DAB2IP: variants seen among roughly 807,000 people sequenced by gnomAD.
The protein encoded by DAB2IP is disabled homolog 2-interacting protein.
DAB2IP carries 28 observed loss-of-function variants against 107.2 expected under a neutral mutation model. That is an observed-to-expected ratio of 0.26 (90% CI 0.19 to 0.36). The LOEUF is 0.36. Among genes scored for constraint, DAB2IP ranks in the 10% least tolerant of loss-of-function variants. The pLI, the probability that DAB2IP is intolerant of heterozygous loss-of-function variation, is 1.00. For synonymous variants in DAB2IP, 755 were observed against 706.4 expected (o/e 1.07, Z -1.09); for missense variants, 1,400 against 1,644.7 (o/e 0.85, Z 2.57).
chr9:121,721,954 A>T (rs1830961013), intron 3 of DAB2IP, among the ~76,000 whole-genome samples: 1 of 152,180 alleles, frequency 6.6e-6, no homozygotes, highest in South Asian at 2.1e-4. Flanking sequence ...CATGCCCTGG[A>T]CGTGCAGATG....
At chr9:121,763,261 T>C (rs892240165) in intron 6 of DAB2IP, among the ~76,000 whole-genome samples, 22 of 152,226 alleles carry the variant, frequency 1.4e-4, no homozygotes, top group African/African-American at 5.1e-4. Context: ...TCAGGCTGCC[T>C]CCATCCATAG....
rs948243699 is a variant in DAB2IP at position 121,776,342 on chromosome 9, C to T, written c.3265C>T (p.Arg1089Trp). ...GCTGGAGGAGGGCGAGGAGCGGCTGCGGCGGCAGCAGGAGGACAAGGACAT... is the reference window on the plus strand; with the variant it reads ...GCTGGAGGAGGGCGAGGAGCGGCTGTGGCGGCAGCAGGAGGACAAGGACAT... Residue 1089 changes from arginine to tryptophan, a missense_variant, in exon 14 of 16, where the codon CGG becomes TGG. This residue lies in a region of DAB2IP where 600 missense variants were observed against 659.1 expected (regional missense o/e 0.91). Transcript: ENST00000408936. This position sits in a 1 kb window ranked among gnomAD's most constrained non-coding sequence, Gnocchi z 5.4. The T allele has an allele frequency of 6.4e-7, 1 of 1,554,332 alleles. No individual in the cohort carries two copies. The highest frequency in any genetic ancestry group is 8.7e-7 in the Non-Finnish European group (1 of 1,148,790).
intron 2 of DAB2IP, among the ~76,000 whole-genome samples, chr9:121,690,227 C>G (rs1427483305): frequency 1.3e-5 from 2 of 152,190 alleles, no homozygotes; most frequent in African/African-American, 4.8e-5. Flanking sequence ...GTTTTCTTGC[C>G]ACTCATGCAG....
intron 1 of DAB2IP, among the ~76,000 whole-genome samples, chr9:121,582,170 C>A (rs1169394618): frequency 2.0e-5 from 3 of 152,184 alleles, no homozygotes; most frequent in African/African-American, 4.8e-5. Flanking sequence ...TGTGCCTGAG[C>A]GTCTCAGCAC....
intron 11 of DAB2IP, 36 bp downstream of exon 11, chr9:121,770,760 C>T (rs755891521): frequency 3.7e-6 from 6 of 1,605,866 alleles, no homozygotes; most frequent in African/African-American, 1.3e-5. Context: ...GTGGTGGGTG[C>T]GTGTGCAGAC....
At chr9:121,603,515 A>C (rs1036504897) in intron 1 of DAB2IP, among the ~76,000 whole-genome samples, 1 of 152,214 alleles carries the variant, frequency 6.6e-6, no homozygotes, top group African/African-American at 2.4e-5. Context: ...TGGGCAGGGG[A>C]GGGAGCGGTG....
intron 1 of DAB2IP, among the ~76,000 whole-genome samples, chr9:121,619,306 C>T (rs1306984906): frequency 6.6e-6 from 1 of 152,176 alleles, no homozygotes; most frequent in African/African-American, 2.4e-5. Flanking sequence ...GCCACCACAT[C>T]CCGCTAATTT....
chr9:121,600,947 G>T (rs987582367), intron 1 of DAB2IP, among the ~76,000 whole-genome samples: 2 of 152,184 alleles, frequency 1.3e-5, no homozygotes, highest in East Asian at 3.9e-4. Flanking sequence ...GAGAGAGCCA[G>T]CATCCTTGTG....
intron 1 of DAB2IP, among the ~76,000 whole-genome samples, chr9:121,581,091 G>A: frequency 6.6e-6 from 1 of 152,200 alleles, no homozygotes; most frequent in Non-Finnish European, 1.5e-5. Flanking sequence ...GGCAGGGGAG[G>A]AACAGGGTTG....
At chr9:121,627,567 G>A (rs1307207424) in intron 1 of DAB2IP, among the ~76,000 whole-genome samples, 2 of 152,144 alleles carry the variant, frequency 1.3e-5, no homozygotes, top group Non-Finnish European at 2.9e-5. Context: ...AAAGACTGTG[G>A]CTGTGTACTC....
intron 1 of DAB2IP, among the ~76,000 whole-genome samples, chr9:121,638,779 C>A (rs1398732439): frequency 6.6e-6 from 1 of 152,140 alleles, no homozygotes; most frequent in East Asian, 1.9e-4. Context: ...GATGGCGATG[C>A]CCTGGTTCTG....
intron 3 of DAB2IP, among the ~76,000 whole-genome samples, chr9:121,739,365 T>A (rs1832157118): frequency 6.6e-6 from 1 of 152,220 alleles, no homozygotes. Context: ...TGACTGCCAA[T>A]GTCTTTCACC....
rs1411395167 is a variant in DAB2IP, at chr9:121,736,381, G to C, written c.363-20632G>C. Among the ~76,000 whole-genome samples, 3 of 151,924 alleles carry C rather than the reference G, an allele frequency of 2.0e-5. No individual in the cohort carries two copies. The highest frequency in any genetic ancestry group is 2.9e-5 in the Non-Finnish European group (2 of 68,032). Reference sequence around the variant, plus strand: ...AAGGTGGGGAAGGAGTTGCAAGGCAGAGACCCCCGAACCCCTGCTCCAGGG... The same window carrying C: ...AAGGTGGGGAAGGAGTTGCAAGGCACAGACCCCCGAACCCCTGCTCCAGGG... On this transcript the variant is annotated intron_variant, in intron 3 of 15. Coordinates refer to ENST00000408936, the Ensembl canonical transcript of DAB2IP. The surrounding 1 kb of genome is among the most constrained non-coding windows in gnomAD (Gnocchi z 4.6).
rs2118725306 is a variant in DAB2IP at position 121,699,032 on chromosome 9, G to A, written c.229-293G>A. Among the ~76,000 whole-genome samples, 1 of 151,010 alleles carries A rather than the reference G, an allele frequency of 6.6e-6. No homozygotes were observed. Among genetic ancestry groups the A allele is most frequent in the East Asian group, 2.0e-4 (1 of 5,092 alleles). On this transcript the variant is annotated intron_variant, in intron 2 of 15. Coordinates refer to ENST00000408936, the Ensembl canonical transcript of DAB2IP. The surrounding 1 kb of genome is among the most constrained non-coding windows in gnomAD (Gnocchi z 6.2). ...CCCCGGCGCCCGGGGGGCTCGGGCAGCCTCGGCCGCGGTCGGCGCGGCTCG... is the reference window on the plus strand; with the variant it reads ...CCCCGGCGCCCGGGGGGCTCGGGCAACCTCGGCCGCGGTCGGCGCGGCTCG...
In DAB2IP at chr9:121,634,806, C is replaced by T. The variant is rs2119022708; in HGVS notation, c.41-43872C>T. Among the ~76,000 whole-genome samples the T allele has an allele frequency of 6.6e-6, 1 of 152,286 alleles. No individual in the cohort carries two copies. Among genetic ancestry groups the T allele is most frequent in the East Asian group, 1.9e-4 (1 of 5,168 alleles). ...TGGACAGCCCCATTGGTCCTGCCCC[C>T]ACCCCAGCCACCACCTGTGGCTAGG... On this transcript the variant is annotated intron_variant, in intron 1 of 16. Coordinates refer to the DAB2IP transcript ENST00000259371. This position sits in a 1 kb window ranked among gnomAD's most constrained non-coding sequence, Gnocchi z 4.7.
In DAB2IP at chr9:121,772,121, C is replaced by G. The variant is rs1286954935; in HGVS notation, c.2079-486C>G. 6.6e-6 allele frequency among the ~76,000 whole-genome samples: 1 copy of G among 152,192 alleles called. No homozygotes were observed. The highest frequency in any genetic ancestry group is 1.5e-5 in the Non-Finnish European group (1 of 68,028). Reference sequence around the variant, plus strand: ...CAAACAAGGGAGCGGCAGCAGGAGGCTGGGCAAGAGGAGGTTTCACCGGGC... The same window carrying G: ...CAAACAAGGGAGCGGCAGCAGGAGGGTGGGCAAGAGGAGGTTTCACCGGGC... On this transcript the variant is annotated intron_variant, in intron 11 of 15. Coordinates refer to ENST00000408936, the Ensembl canonical transcript of DAB2IP. This position sits in a 1 kb window ranked among gnomAD's most constrained non-coding sequence, Gnocchi z 4.7.
chr9:121,783,222 C>A, exon 16 of DAB2IP: 1 of 1,187,374 alleles, frequency 8.4e-7, no homozygotes, highest in Non-Finnish European at 1.1e-6. Context: ...AGGGCCATGG[C>A]TTTTTCTTGT....
chr9:121,597,846 T>C (rs1361747624), intron 1 of DAB2IP, among the ~76,000 whole-genome samples: 1 of 152,188 alleles, frequency 6.6e-6, no homozygotes, highest in African/African-American at 2.4e-5. Context: ...CTCCGAAGAC[T>C]TCCACTGACC....
intron 1 of DAB2IP, among the ~76,000 whole-genome samples, chr9:121,614,019 G>A (rs1831180884): frequency 6.6e-6 from 1 of 152,132 alleles, no homozygotes; most frequent in African/African-American, 2.4e-5. Context: ...GATGTGCTGG[G>A]GGGCTTCAGA....
Sources: gnomAD v4.1 joint callset for allele counts (sites outside exome capture counted in the v4.1 genomes callset) on GRCh38, gnomAD v4.1.1 for gene constraint, gnomAD v4.1.1 regional missense constraint, Gnocchi (gnomAD v3.1) non-coding constraint, MANE v1.5 for transcripts, NCBI Gene and HGNC (gene_info 2026-07-23, HGNC 2026-07-21) for gene names.